ANKK1: variants seen among roughly 807,000 people sequenced by gnomAD.
ANKK1 encodes ankyrin repeat and kinase domain containing 1.
A neutral mutation model predicts 37.6 loss-of-function variants in ANKK1; 37 were observed. That is an observed-to-expected ratio of 0.98 (90% CI 0.76 to 1.29). The LOEUF is 1.29. Ranked by LOEUF, ANKK1 falls within the 50% of genes most tolerant of loss-of-function variation. The probability of loss-of-function intolerance (pLI) is 0.00; values close to 1 mark genes in which losing one functional copy is unlikely to be tolerated. For synonymous variants in ANKK1, 415 were observed against 418.7 expected, an observed-to-expected ratio of 0.99 and a Z score of 0.11; for missense variants, 1,019 against 990.6, an observed-to-expected ratio of 1.03 and a Z score of -0.39.
At chr11:113,392,916 A>C (rs1591259441) in intron 1 of ANKK1, among the ~76,000 whole-genome samples, 1 of 152,330 alleles carries the variant, frequency 6.6e-6, no homozygotes, top group South Asian at 2.1e-4. Context: ...GGAGTGAAAG[A>C]GAGGGAGAAA....
At chr11:113,396,342 CTTTT>C (rs34716641) in intron 5 of ANKK1, 120 bp downstream of exon 5, 490 of 829,768 alleles carry the variant, frequency 5.9e-4, no homozygotes, top group South Asian at 6.8e-4. Context: ...CCTAGAAGGA[CTTTT>C]TTTTTTTTTT....
Position 113,387,986 on chromosome 11 carries a change from C to A in ANKK1, c.102C>A (p.Ser34Arg), listed in dbSNP as rs1950558179. The A allele has an allele frequency of 6.4e-7, 1 of 1,570,074 alleles. No individual in the cohort carries two copies. The highest frequency in any genetic ancestry group is 1.3e-5 in the African/African-American group (1 of 74,106). The change falls in exon 1 of 8, where the codon AGC becomes AGA. Residue 34 changes from serine (S) to arginine (R), a missense_variant. Coordinates refer to ENST00000303941, the MANE Select transcript of ANKK1 (RefSeq NM_178510.2). The part of the protein sequence containing the change: ...DWRLVASGGF[S>R]QVFQARHRRW... ...GCCTAGTGGCCAGCGGCGGCTTCAG[C>A]CAGGTGTTCCAGGCGCGGCACAGGC...
intron 1 of ANKK1, among the ~76,000 whole-genome samples, chr11:113,391,645 G>A (rs762227505): frequency 1.3e-5 from 2 of 152,162 alleles, no homozygotes; most frequent in African/African-American, 4.8e-5. Context: ...GAAGGACAGA[G>A]GCCCCATTCA....
chr11:113,395,423 G>A lies in ANKK1; in HGVS notation c.682+15G>A, dbSNP rs1188654049. ...ACCATACTCAGGTAAGCAGGCGGCT[G>A]TGGCTCTGTGTTGGGGGCAGGAGGA... On this transcript the variant is annotated intron_variant, in intron 4 of 7. Coordinates refer to ENST00000303941, the MANE Select transcript of ANKK1 (RefSeq NM_178510.2). 1.2e-6 allele frequency: 2 copies of A among 1,613,732 alleles called. No individual in the cohort carries two copies. The highest frequency in any genetic ancestry group is 1.7e-6 in the Non-Finnish European group (2 of 1,179,732).
intron 2 of ANKK1, among the ~76,000 whole-genome samples, chr11:113,394,544 G>A (rs1473884164): frequency 1.3e-5 from 2 of 152,136 alleles, no homozygotes; most frequent in East Asian, 3.8e-4. Context: ...TGTGTTTCAG[G>A]GCCCCCGGAG....
intron 6 of ANKK1, among the ~76,000 whole-genome samples, chr11:113,397,761 G>T (rs1950651012): frequency 6.6e-6 from 1 of 152,240 alleles, no homozygotes; most frequent in Non-Finnish European, 1.5e-5. Context: ...GGGAAGGCAA[G>T]GCCCTGAGCT....
Position 113,395,405 on chromosome 11 carries a change from T to G in ANKK1, c.679T>G (p.Ser227Ala). 1.9e-6 allele frequency: 3 copies of G among 1,613,774 alleles called. No homozygotes were observed. In the East Asian group the frequency reaches 6.7e-5, roughly 36 times the overall value. The change falls in exon 4 of 8, where the codon TCA becomes GCA. Residue 227 changes from serine (S) to alanine (A), a missense_variant. Coordinates refer to ENST00000303941, the MANE Select transcript of ANKK1 (RefSeq NM_178510.2). Reference protein sequence around the residue: ...WELLTQKKPYSGFNMMMIIIR... With the variant: ...WELLTQKKPYAGFNMMMIIIR... Reference sequence around the variant, plus strand: ...GCTACTCACTCAGAAGAAACCATACTCAGGTAAGCAGGCGGCTGTGGCTCT... The same window carrying G: ...GCTACTCACTCAGAAGAAACCATACGCAGGTAAGCAGGCGGCTGTGGCTCT...
In ANKK1 at chr11:113,394,942, G is replaced by T; in HGVS notation, c.494G>T (p.Gly165Val). ...SNMHVKISDF[G>V]LSKWMEQSTR... is the part of the protein sequence containing the mutation. Reference sequence around the variant, plus strand: ...GCCTTCTCCCAGATTTCAGACTTCGGCCTGTCCAAGTGGATGGAACAGTCC... The same window carrying T: ...GCCTTCTCCCAGATTTCAGACTTCGTCCTGTCCAAGTGGATGGAACAGTCC... Residue 165 changes from glycine to valine, a missense_variant, in exon 3 of 8, where the codon GGC becomes GTC. Transcript: ENST00000303941. The T allele has an allele frequency of 6.2e-7, 1 of 1,609,760 alleles. No individual in the cohort carries two copies. Among genetic ancestry groups the T allele is most frequent in the Non-Finnish European group, 8.5e-7 (1 of 1,176,936 alleles).
At position 113,399,166 on chromosome 11, in the gene ANKK1, C is replaced by T. The variant is rs941446902; in HGVS notation, c.1197C>T (p.Leu399=). The T allele has an allele frequency of 1.3e-6, 2 of 1,598,100 alleles. No individual in the cohort carries two copies. Among genetic ancestry groups the T allele is most frequent in the African/African-American group, 1.3e-5 (1 of 74,506 alleles). ...DCQTASGYTP[L]LIAAQDQQPD... is the part of the protein sequence containing the mutation. Reference sequence around the variant, plus strand: ...AGACGGCCTCTGGATACACGCCCCTCCTGATCGCCGCCCAGGACCAGCAAC... The same window carrying T: ...AGACGGCCTCTGGATACACGCCCCTTCTGATCGCCGCCCAGGACCAGCAAC... Residue 399 remains leucine, a synonymous_variant, in exon 8 of 8, where the codon CTC becomes CTT. Coordinates refer to ENST00000303941, the MANE Select transcript of ANKK1 (RefSeq NM_178510.2).
intron 1 of ANKK1, among the ~76,000 whole-genome samples, chr11:113,389,237 C>G (rs756981441): frequency 3.4e-4 from 51 of 152,190 alleles, no homozygotes; most frequent in South Asian, 1.9e-3. Flanking sequence ...GACATTGATG[C>G]TAACTCCTGC....
At chr11:113,393,351 C>A in intron 1 of ANKK1, 130 bp from the exon 2 acceptor site, 1 of 954,176 alleles carries the variant, frequency 1.0e-6, no homozygotes, top group Non-Finnish European at 1.6e-6. Context: ...TCCTCTTCCA[C>A]TACCTTGCAA....
Position 113,395,342 on chromosome 11 carries a change from G to A in ANKK1, c.633-17G>A, listed in dbSNP as rs751745565. Reference sequence around the variant, plus strand: ...TGTTCAACTAAGTCATTCAGAAAGGGTTCTCTGCATCCACAGCTTTGCAAT... The same window carrying A: ...TGTTCAACTAAGTCATTCAGAAAGGATTCTCTGCATCCACAGCTTTGCAAT... On this transcript the variant is annotated splice_polypyrimidine_tract_variant and intron_variant, in intron 3 of 7. Coordinates refer to ENST00000303941, the MANE Select transcript of ANKK1 (RefSeq NM_178510.2). The A allele has an allele frequency of 6.2e-7, 1 of 1,613,740 alleles. No individual in the cohort carries two copies. The highest frequency in any genetic ancestry group is 8.5e-7 in the Non-Finnish European group (1 of 1,179,828).
chr11:113,400,141 G>A lies in ANKK1; in HGVS notation c.2172G>A (p.Val724=). 1.2e-6 allele frequency: 2 copies of A among 1,607,530 alleles called. No individual in the cohort carries two copies. The highest frequency in any genetic ancestry group is 1.7e-6 in the Non-Finnish European group (2 of 1,177,158). Residue 724 remains valine, a synonymous_variant, in exon 8 of 8, where the codon GTG becomes GTA. Transcript: ENST00000303941. ...AGAQLDVQDG[V]SCTPLQLALR... is the part of the protein sequence containing the mutation. ...CCCAGCTGGACGTCCAGGATGGAGT[G>A]AGCTGCACACCCCTGCAACTGGCCC...
chr11:113,396,273 G>A, intron 5 of ANKK1, 51 bp downstream of exon 5: 1 of 1,601,272 alleles, frequency 6.2e-7, no homozygotes, highest in Non-Finnish European at 8.5e-7. Context: ...GTGGGGCCGG[G>A]AGGGGAGATG....
At position 113,396,067 on chromosome 11, in the gene ANKK1, G is replaced by T; in HGVS notation, c.683G>T (p.Gly228Val). ...ACATAGCCTGAGCCTCCCTTTGCAG[G>T]GTTCAACATGATGATGATTATTATC... ...ELLTQKKPYS[G>V]FNMMMIIIRV... Residue 228 changes from glycine (G) to valine (V), a missense_variant and splice_region_variant, in exon 5 of 8, where the codon GGG becomes GTG. Coordinates refer to ENST00000303941, the MANE Select transcript of ANKK1 (RefSeq NM_178510.2). 1 of 1,613,928 alleles carries T rather than the reference G, an allele frequency of 6.2e-7. No individual in the cohort carries two copies. The highest frequency in any genetic ancestry group is 8.5e-7 in the Non-Finnish European group (1 of 1,179,830).
At chr11:113,396,919 TGAGCTCATCCA>T (rs1950643492) in intron 5 of ANKK1, among the ~76,000 whole-genome samples, 1 of 152,328 alleles carries the variant, frequency 6.6e-6, no homozygotes, top group South Asian at 2.1e-4. Context: ...GGATGGCCCA[TGAGCTCATCCA>T]GTCCTTTGGG....
Position 113,394,822 on chromosome 11 carries a change from C to G in ANKK1, c.481-107C>G, listed in dbSNP as rs1950623205. ...TAGGAGGGAGTGTCATAGAAAACCA[C>G]TACTCTACCCTGGAACAGGCAGATA... On this transcript the variant is annotated intron_variant, in intron 2 of 7. Coordinates refer to ENST00000303941, the MANE Select transcript of ANKK1 (RefSeq NM_178510.2). 53 of 1,474,464 alleles carry G rather than the reference C, an allele frequency of 3.6e-5. 1 individual carries two copies. The South Asian group carries it at 6.1e-4, about 17-fold the overall frequency. The allele number at this position is 1,474,464 out of a possible 1,614,324, so 91.3% of individuals were successfully genotyped here.
intron 7 of ANKK1, 129 bp downstream of exon 7, chr11:113,398,145 GC>G (rs1950654665): frequency 8.9e-7 from 1 of 1,118,402 alleles, no homozygotes; most frequent in Admixed American, 2.0e-5. Flanking sequence ...GGGTTTAGGT[GC>G]CCTTTTCCAG....
At chr11:113,395,985 T>A in intron 4 of ANKK1, 82 bp from the exon 5 acceptor site, 1 of 1,525,688 alleles carries the variant, frequency 6.6e-7, no homozygotes, top group Non-Finnish European at 8.9e-7. Context: ...CCTGTTGGGA[T>A]CCTCAGAGCC....
Sources: allele counts gnomAD v4.1 joint callset (sites outside exome capture counted in the v4.1 genomes callset), GRCh38; gene constraint gnomAD v4.1.1; transcripts MANE v1.5; gene names NCBI Gene and HGNC (gene_info 2026-07-23, HGNC 2026-07-21).